The following UBE2D3 variants were observed in gnomAD, a reference collection of about 807,000 sequenced individuals.
The protein encoded by UBE2D3 is ubiquitin-conjugating enzyme E2 D3.
A neutral mutation model predicts 22.8 loss-of-function variants in UBE2D3; 2 were observed. The ratio of observed to expected loss-of-function variants is 0.09; its 90% CI spans 0.04 to 0.28. The LOEUF (loss-of-function observed/expected upper bound fraction) is 0.28. Among genes scored for constraint, UBE2D3 ranks in the 10% least tolerant of loss-of-function variants. UBE2D3 has a pLI of 1.00. For missense variants in UBE2D3, 27 were observed against 182.5 expected, an observed-to-expected ratio of 0.15 and a Z score of 4.91; for synonymous variants, 56 against 60.4, an observed-to-expected ratio of 0.93 and a Z score of 0.34.
intron 2 of UBE2D3, among the ~76,000 whole-genome samples, chr4:102,821,668 A>G (rs778027856): frequency 9.2e-5 from 14 of 152,136 alleles, no homozygotes; most frequent in Admixed American, 4.6e-4. Context: ...GTATAACTGG[A>G]TTGTAACACA....
At chr4:102,820,747 CA>C (rs902911912) in intron 2 of UBE2D3, among the ~76,000 whole-genome samples, 4 of 151,204 alleles carry the variant, frequency 2.6e-5, no homozygotes, top group Non-Finnish European at 4.4e-5. Flanking sequence ...AACAAACAAA[CA>C]AAAAAAACAA....
chr4:102,841,916 C>A (rs1431839986), intron 1 of UBE2D3, among the ~76,000 whole-genome samples: 5 of 152,128 alleles, frequency 3.3e-5, no homozygotes, highest in Non-Finnish European at 5.9e-5. Flanking sequence ...TTGCACATCA[C>A]CATTAAATTA....
chr4:102,822,793 G>A (rs1054596561), intron 2 of UBE2D3, among the ~76,000 whole-genome samples: 7 of 35,002 alleles, frequency 2.0e-4, no homozygotes, highest in African/African-American at 7.6e-4. Context: ...AAAATTAGCC[G>A]GGGGTGGTGG....
At chr4:102,827,872 G>A (rs1011348098), upstream of UBE2D3, 20 of 985,556 alleles carry the variant, frequency 2.0e-5, no homozygotes, top group Admixed American at 1.0e-3. Context: ...ACCATGGGAG[G>A]AAGGTAAAGG....
chr4:102,844,923 G>A (rs539994121), intron 1 of UBE2D3, among the ~76,000 whole-genome samples: 1 of 151,794 alleles, frequency 6.6e-6, no homozygotes, highest in South Asian at 2.1e-4. Flanking sequence ...TTGGGAGGCT[G>A]AGGCAGGAGA....
At chr4:102,821,769 T>C (rs1263714138) in intron 2 of UBE2D3, among the ~76,000 whole-genome samples, 2 of 152,332 alleles carry the variant, frequency 1.3e-5, no homozygotes, top group Non-Finnish European at 2.9e-5. Flanking sequence ...AACCCATAAA[T>C]ATATACACCA....
rs947245037 is a variant in UBE2D3, at chr4:102,796,388, C to A, written c.*1027G>T. 1 of 152,446 alleles carries A rather than the reference C, an allele frequency of 6.6e-6. No individual in the cohort carries two copies. Among genetic ancestry groups the A allele is most frequent in the African/African-American group, 2.4e-5 (1 of 41,428 alleles). The allele number at this position is 152,446 out of a possible 1,614,324, so 9.4% of individuals were successfully genotyped here. On this transcript the variant is annotated 3_prime_UTR_variant, in exon 8 of 8. Coordinates refer to ENST00000453744, the MANE Select transcript of UBE2D3 (RefSeq NM_181891.3). Reference sequence around the variant, plus strand: ...ACACTATCCAAATAGCTTATTAATTCTGCATAAATCAGGTCAAGCAATGTG... The same window carrying A: ...ACACTATCCAAATAGCTTATTAATTATGCATAAATCAGGTCAAGCAATGTG...
intron 7 of UBE2D3, chr4:102,799,013 A>G: frequency 6.4e-7 from 1 of 1,563,190 alleles, no homozygotes; most frequent in Non-Finnish European, 8.8e-7. Flanking sequence ...TAATTATAAC[A>G]TATGAAAGTT....
Position 102,794,557 on chromosome 4 carries a change from T to G in UBE2D3, c.*2858A>C, listed in dbSNP as rs1725068572. 6.6e-6 allele frequency: 1 copy of G among 151,906 alleles called. No individual in the cohort carries two copies. The highest frequency in any genetic ancestry group is 2.4e-5 in the African/African-American group (1 of 41,350). The allele number at this position is 151,906 out of a possible 1,614,324, so 9.4% of individuals were successfully genotyped here. On this transcript the variant is annotated 3_prime_UTR_variant, in exon 8 of 8. Transcript: ENST00000453744. ...TCAACAATCATTAACAGTTTTGTTA[T>G]GCCAACACAAAACATGGCTGAGTTA...
Position 102,809,660 on chromosome 4 carries a change from C to G in UBE2D3, c.120+12G>C. The G allele has an allele frequency of 6.3e-7, 1 of 1,594,002 alleles. No individual in the cohort carries two copies. Among genetic ancestry groups the G allele is most frequent in the Non-Finnish European group, 8.5e-7 (1 of 1,173,312 alleles). On this transcript the variant is annotated intron_variant, in intron 4 of 7. Transcript: ENST00000453744. ...TCACTTAAAACTAAATTTAAAAATT[C>G]TTAATACTTACAGGTCCCATAATTG...
chr4:102,839,879 A>G (rs1411926087), intron 1 of UBE2D3, among the ~76,000 whole-genome samples: 2 of 152,218 alleles, frequency 1.3e-5, no homozygotes, highest in Non-Finnish European at 2.9e-5. Flanking sequence ...AAATATTTAC[A>G]AACTATTAAT....
intron 2 of UBE2D3, chr4:102,825,404 T>C (rs1013934204): frequency 9.6e-7 from 1 of 1,039,852 alleles, no homozygotes; most frequent in African/African-American, 1.7e-5. Context: ...TTTAGGTAAG[T>C]TTTGAGCAGA....
At chr4:102,856,626 T>C (rs1013268481) in intron 1 of UBE2D3, among the ~76,000 whole-genome samples, 9 of 152,188 alleles carry the variant, frequency 5.9e-5, no homozygotes, top group Middle Eastern at 3.2e-3. Context: ...AATAAGATAC[T>C]AGAAAGTAAA....
At chr4:102,863,701 C>T (rs1244602719) in intron 1 of UBE2D3, among the ~76,000 whole-genome samples, 1 of 152,096 alleles carries the variant, frequency 6.6e-6, no homozygotes, top group Non-Finnish European at 1.5e-5. Flanking sequence ...ACCATGTTGG[C>T]CAGGCTGGTC....
At chr4:102,807,582 C>G (rs981066453) in intron 4 of UBE2D3, among the ~76,000 whole-genome samples, 1 of 152,112 alleles carries the variant, frequency 6.6e-6, no homozygotes, top group Non-Finnish European at 1.5e-5. Flanking sequence ...TTCTGAAAAT[C>G]ACATGCTTCT....
At chr4:102,814,536 C>T (rs1432240423) in intron 2 of UBE2D3, among the ~76,000 whole-genome samples, 1 of 149,666 alleles carries the variant, frequency 6.7e-6, no homozygotes, top group Non-Finnish European at 1.5e-5. Context: ...ATCCTGACCT[C>T]AAGTGATCCG....
intron 1 of UBE2D3, among the ~76,000 whole-genome samples, chr4:102,862,379 A>G (rs1732939418): frequency 1.3e-5 from 2 of 152,014 alleles, no homozygotes; most frequent in Admixed American, 1.3e-4. Flanking sequence ...GATAATCATT[A>G]TTTTAACCCC....
intron 1 of UBE2D3, chr4:102,868,629 G>C (rs553600988): frequency 6.3e-7 from 1 of 1,585,288 alleles, no homozygotes; most frequent in African/African-American, 1.3e-5. Flanking sequence ...TCATGGGCGA[G>C]TATGCAACCC....
At chr4:102,833,229 A>G (rs560799130) in intron 1 of UBE2D3, among the ~76,000 whole-genome samples, 3 of 151,922 alleles carry the variant, frequency 2.0e-5, no homozygotes, top group Non-Finnish European at 2.9e-5. Flanking sequence ...AAATTTGGCC[A>G]TGTCTGTACT....
Sources: gnomAD v4.1 joint callset for allele counts (sites outside exome capture counted in the v4.1 genomes callset) on GRCh38, gnomAD v4.1.1 for gene constraint, MANE v1.5 for transcripts, NCBI Gene and HGNC (gene_info 2026-07-23, HGNC 2026-07-21) for gene names.